The following DNAH8 variants were observed in gnomAD, a reference collection of about 807,000 sequenced individuals.
DNAH8 encodes the protein dynein axonemal heavy chain 8.
A neutral mutation model predicts 562.1 loss-of-function variants in DNAH8; 382 were observed. That is an observed-to-expected ratio of 0.68 (90% CI 0.63 to 0.74). The LOEUF is 0.74. Ranked by LOEUF, DNAH8 falls within the 30% of genes least tolerant of loss-of-function variation. The pLI, the probability that DNAH8 is intolerant of heterozygous loss-of-function variation, is 0.00. For synonymous variants in DNAH8, 1,881 were observed against 1,919.4 expected (o/e 0.98, Z 0.52); for missense variants, 5,203 against 5,620.4 (o/e 0.93, Z 2.37).
intron 70 of DNAH8, among the ~76,000 whole-genome samples, chr6:38,921,119 G>A (rs1370158306): frequency 1.3e-5 from 2 of 152,012 alleles, no homozygotes; most frequent in African/African-American, 4.8e-5. Flanking sequence ...CTTGAACTGG[G>A]CTCAAGTGAT....
intron 85 of DNAH8, among the ~76,000 whole-genome samples, chr6:38,979,130 G>A (rs1763872181): frequency 6.6e-6 from 1 of 152,212 alleles, no homozygotes; most frequent in Non-Finnish European, 1.5e-5. Flanking sequence ...CATGGCCTTT[G>A]CCAAGCCTGG....
intron 88 of DNAH8, among the ~76,000 whole-genome samples, chr6:39,000,361 G>A (rs1168907581): frequency 1.3e-5 from 2 of 152,172 alleles, no homozygotes; most frequent in Non-Finnish European, 2.9e-5. Flanking sequence ...CATTTAAGTT[G>A]TGCCTTAAAG....
At chr6:38,973,135 G>A (rs1022186710) in intron 83 of DNAH8, among the ~76,000 whole-genome samples, 1 of 152,208 alleles carries the variant, frequency 6.6e-6, no homozygotes, top group Non-Finnish European at 1.5e-5. Flanking sequence ...TGCTTAATAA[G>A]TTATGTGGTT....
At chr6:38,898,486 A>G in intron 61 of DNAH8, 106 bp downstream of exon 61, 1 of 929,352 alleles carries the variant, frequency 1.1e-6, no homozygotes, top group Non-Finnish European at 1.5e-6. Context: ...CAGGTACCGT[A>G]TAGAAGACTG....
chr6:38,872,487 G>A (rs1313665686), intron 49 of DNAH8, 49 bp from the exon 50 acceptor site: 10 of 1,584,724 alleles, frequency 6.3e-6, no homozygotes, highest in South Asian at 1.1e-5. Context: ...ATGAATGTCA[G>A]CAAGAGACTC....
intron 57 of DNAH8, among the ~76,000 whole-genome samples, chr6:38,889,173 CAG>C (rs1779166889): frequency 1.3e-5 from 2 of 152,160 alleles, no homozygotes; most frequent in African/African-American, 4.8e-5. Flanking sequence ...CACAGGCACA[CAG>C]TGGCCTGCTG....
intron 82 of DNAH8, among the ~76,000 whole-genome samples, chr6:38,968,196 TA>T (rs895082304): frequency 6.6e-6 from 1 of 151,780 alleles, no homozygotes; most frequent in Admixed American, 6.6e-5. Context: ...ACATACTTAG[TA>T]AAAAAAATAA....
intron 3 of DNAH8, among the ~76,000 whole-genome samples, chr6:38,728,109 G>C (rs1479525987): frequency 2.0e-5 from 3 of 152,006 alleles, no homozygotes; most frequent in Non-Finnish European, 4.4e-5. Context: ...GGGACCATTG[G>C]CACATACCTC....
At chr6:38,899,386 G>A (rs573976373) in intron 61 of DNAH8, among the ~76,000 whole-genome samples, 1 of 152,174 alleles carries the variant, frequency 6.6e-6, no homozygotes, top group Non-Finnish European at 1.5e-5. Flanking sequence ...AGTGTGTCAG[G>A]CTGATGAATA....
At chr6:38,889,744 G>A (rs1030403795) in intron 57 of DNAH8, among the ~76,000 whole-genome samples, 10 of 152,098 alleles carry the variant, frequency 6.6e-5, no homozygotes, top group Admixed American at 2.6e-4. Context: ...GGAAGCAAAC[G>A]GACTTTACAG....
Position 38,737,081 on chromosome 6 carries a change from T to G in DNAH8, c.777T>G (p.Thr259=), listed in dbSNP as rs765217828. 10 of 1,532,868 alleles carry G rather than the reference T, an allele frequency of 6.5e-6. No homozygotes were observed. In the South Asian group the frequency reaches 1.3e-4, roughly 21 times the overall value. The allele number at this position is 1,532,868 out of a possible 1,614,324, so 95.0% of individuals were successfully genotyped here. Residue 259 remains threonine (T), a synonymous_variant, in exon 6 of 93, where the codon ACT becomes ACG. Transcript: ENST00000327475. ...VKTIQEEALF[T]VLDASKGLLN... ...CACCCTTTCAGGAAGCGCTCTTTAC[T>G]GTTCTGGATGCGTCGAAAGGACTCT...
At chr6:38,996,313 C>T (rs770011036) in intron 88 of DNAH8, among the ~76,000 whole-genome samples, 1 of 152,102 alleles carries the variant, frequency 6.6e-6, no homozygotes, top group Admixed American at 6.6e-5. Context: ...ACCTTCCCTC[C>T]TGAGTAGAGC....
At chr6:38,750,394 G>T in intron 8 of DNAH8, 82 bp from the exon 9 acceptor site, 2 of 794,594 alleles carry the variant, frequency 2.5e-6, no homozygotes, top group Non-Finnish European at 4.0e-6. Flanking sequence ...GTATGATTAG[G>T]GAAGACTGAA....
At position 39,012,211 on chromosome 6, in the gene DNAH8, T is replaced by G; in HGVS notation, c.13372-4T>G. The G allele has an allele frequency of 6.3e-7, 1 of 1,595,052 alleles. No homozygotes were observed. The highest frequency in any genetic ancestry group is 8.6e-7 in the Non-Finnish European group (1 of 1,167,242). ...CCTTTATTGCATTGTTTACTTTGTT[T>G]TAGGTGAAATCTCGTTTGATAAAGA... On this transcript the variant is annotated splice_polypyrimidine_tract_variant and splice_region_variant and intron_variant, in intron 89 of 92. Transcript: ENST00000327475.
chr6:38,745,836 A>T (rs938614759), intron 8 of DNAH8, among the ~76,000 whole-genome samples: 1 of 152,186 alleles, frequency 6.6e-6, no homozygotes, highest in African/African-American at 2.4e-5. Flanking sequence ...TCGTGAATAC[A>T]TTGAGGTTAT....
chr6:38,855,569 G>A (rs1019577655), intron 41 of DNAH8, among the ~76,000 whole-genome samples: 1 of 152,050 alleles, frequency 6.6e-6, no homozygotes, highest in African/African-American at 2.4e-5. Context: ...GTTTTGATGT[G>A]TATAATATGT....
intron 18 of DNAH8, among the ~76,000 whole-genome samples, chr6:38,788,297 G>A (rs1369703835): frequency 2.0e-5 from 3 of 152,052 alleles, no homozygotes; most frequent in African/African-American, 7.2e-5. Context: ...GACTACAGGT[G>A]TGTGCCACCA....
At position 38,887,069 on chromosome 6, in the gene DNAH8, A is replaced by T; in HGVS notation, c.8473+65A>T. Reference sequence around the variant, plus strand: ...ATGGACATAAACCACACAAAATTTCATTTAAGAGACAAAAAGGCTCTGTCT... The same window carrying T: ...ATGGACATAAACCACACAAAATTTCTTTTAAGAGACAAAAAGGCTCTGTCT... On this transcript the variant is annotated intron_variant, in intron 57 of 92. Coordinates refer to ENST00000327475, the MANE Select transcript of DNAH8 (RefSeq NM_001206927.2). The T allele has an allele frequency of 5.0e-6, 6 of 1,205,096 alleles. No homozygotes were observed. The South Asian group carries it at 6.6e-5, about 13-fold the overall frequency. The allele number at this position is 1,205,096 out of a possible 1,614,324, so 74.7% of individuals were successfully genotyped here. A position where few individuals can be genotyped will look rare whatever the true frequency, so the allele number is the denominator to read the frequency against.
chr6:38,862,672 A>G (rs1332000061), intron 44 of DNAH8, among the ~76,000 whole-genome samples: 1 of 152,192 alleles, frequency 6.6e-6, no homozygotes, highest in African/African-American at 2.4e-5. Flanking sequence ...TAGTCTATGC[A>G]TGGAATGTGT....
Sources: allele counts gnomAD v4.1 joint callset (sites outside exome capture counted in the v4.1 genomes callset), GRCh38; gene constraint gnomAD v4.1.1; transcripts MANE v1.5; gene names NCBI Gene and HGNC (gene_info 2026-07-23, HGNC 2026-07-21).